KHDRBS2: variants seen among roughly 807,000 people sequenced by gnomAD.
The protein encoded by KHDRBS2 is KH RNA binding domain containing, signal transduction associated 2, also known as KH domain-containing, RNA-binding, signal transduction-associated protein 2.
KHDRBS2 carries 26 observed loss-of-function variants against 44.3 expected under a neutral mutation model. That is an observed-to-expected ratio of 0.59 (90% CI 0.43 to 0.81). The LOEUF is 0.81. Among genes scored for constraint, KHDRBS2 ranks in the 40% least tolerant of loss-of-function variants. The pLI, the probability that KHDRBS2 is intolerant of heterozygous loss-of-function variation, is 0.00. For missense variants in KHDRBS2, 476 were observed against 433.1 expected, an observed-to-expected ratio of 1.10 and a Z score of -0.88; for synonymous variants, 194 against 151.1, an observed-to-expected ratio of 1.28 and a Z score of -2.08.
chr6:61,696,648 T>C (rs141343178), intron 8 of KHDRBS2, among the ~76,000 whole-genome samples: 3,774 of 152,274 alleles, frequency 0.025, 75 homozygotes, highest in Middle Eastern at 0.082. Context: ...TAACTGAGTA[T>C]AATTATGATT....
rs74537941 is a variant in KHDRBS2 at position 62,282,412 on chromosome 6, T to C, written c.91+3446A>G. On this transcript the variant is annotated intron_variant, in intron 1 of 8. Coordinates refer to ENST00000281156, the MANE Select transcript of KHDRBS2 (RefSeq NM_152688.4). The stretch of plus-strand genomic sequence containing the variant: ...TATAATGAGTCAACCAAAATGGTTA[T>C]GATTATTTCAGTGCTTGCAAAGATT... Among the ~76,000 whole-genome samples, 146 of 152,300 alleles carry C rather than the reference T, an allele frequency of 9.6e-4. 2 individuals carry two copies. Among genetic ancestry groups the C allele is most frequent in the African/African-American group, 3.4e-3 (142 of 41,574 alleles).
chr6:61,772,706 T>C (rs982111165), intron 6 of KHDRBS2, among the ~76,000 whole-genome samples: 4 of 152,154 alleles, frequency 2.6e-5, no homozygotes, highest in African/African-American at 9.7e-5. Flanking sequence ...TAGTTACATA[T>C]GTATACATGT....
chr6:61,703,788 C>G (rs1769056664), intron 7 of KHDRBS2, among the ~76,000 whole-genome samples: 1 of 151,922 alleles, frequency 6.6e-6, no homozygotes. Context: ...ATGGTATTCA[C>G]TAAACACTGA....
the KHDRBS2 span, among the ~76,000 whole-genome samples, chr6:61,618,467 A>T: frequency 6.6e-6 from 1 of 152,156 alleles, no homozygotes; most frequent in South Asian, 2.1e-4. Flanking sequence ...TTGTCTATTT[A>T]TTTTAACTTT....
At chr6:61,571,464 T>C in the KHDRBS2 span, among the ~76,000 whole-genome samples, 8 of 151,684 alleles carry the variant, frequency 5.3e-5, no homozygotes, top group Non-Finnish European at 1.2e-4. Context: ...GGCAATGCAA[T>C]AATAACAAGG....
chr6:61,838,709 C>A (rs542355697), intron 6 of KHDRBS2, among the ~76,000 whole-genome samples: 1 of 152,020 alleles, frequency 6.6e-6, no homozygotes, highest in East Asian at 1.9e-4. Flanking sequence ...AGCCCCAATA[C>A]CACCACAGCA....
chr6:62,157,614 C>G (rs545471937), intron 2 of KHDRBS2, among the ~76,000 whole-genome samples: 2 of 152,066 alleles, frequency 1.3e-5, no homozygotes, highest in Non-Finnish European at 2.9e-5. Context: ...GCATATGAGT[C>G]AGAGGTCTAA....
intron 1 of KHDRBS2, among the ~76,000 whole-genome samples, chr6:62,272,995 T>C (rs1315724175): frequency 1.3e-5 from 2 of 152,088 alleles, no homozygotes; most frequent in Non-Finnish European, 2.9e-5. Flanking sequence ...GTACCCAGTT[T>C]GCACATGAGG....
intron 6 of KHDRBS2, among the ~76,000 whole-genome samples, chr6:61,848,528 T>TAA: frequency 1.9e-5 from 1 of 53,720 alleles, no homozygotes; most frequent in African/African-American, 8.4e-5. Flanking sequence ...TGTATATATA[T>TAA]ATACATATAT....
chr6:62,132,790 C>T (rs1199224611), intron 2 of KHDRBS2, among the ~76,000 whole-genome samples: 1 of 152,110 alleles, frequency 6.6e-6, no homozygotes, highest in Non-Finnish European at 1.5e-5. Flanking sequence ...ATTCTCTTCC[C>T]TTCTAATGGA....
At chr6:61,609,799 G>A in the KHDRBS2 span, among the ~76,000 whole-genome samples, 2 of 152,182 alleles carry the variant, frequency 1.3e-5, no homozygotes, top group Non-Finnish European at 2.9e-5. Context: ...GCAGTGAGAG[G>A]GGAGTGAATA....
chr6:61,957,129 C>T (rs1248098120), intron 4 of KHDRBS2, among the ~76,000 whole-genome samples: 2 of 152,144 alleles, frequency 1.3e-5, no homozygotes, highest in Admixed American at 6.6e-5. Flanking sequence ...TTATCACTTC[C>T]CCAATCAATA....
intron 1 of KHDRBS2, among the ~76,000 whole-genome samples, chr6:62,265,258 G>A (rs574983269): frequency 1.3e-5 from 2 of 152,054 alleles, no homozygotes; most frequent in East Asian, 3.9e-4. Context: ...AAATGATAGA[G>A]GGAAAGGATA....
the KHDRBS2 span, among the ~76,000 whole-genome samples, chr6:61,639,561 C>T: frequency 6.6e-6 from 1 of 152,050 alleles, no homozygotes; most frequent in Non-Finnish European, 1.5e-5. Context: ...ATCTTCCAAA[C>T]CATACTTCTG....
chr6:62,060,669 G>C (rs1347174535), intron 2 of KHDRBS2, among the ~76,000 whole-genome samples: 1 of 150,656 alleles, frequency 6.6e-6, no homozygotes, highest in Non-Finnish European at 1.5e-5. Context: ...AAATTTAAAA[G>C]AGAAATATCT....
chr6:62,169,169 A>ACG (rs200253904), intron 2 of KHDRBS2, among the ~76,000 whole-genome samples: 72,997 of 133,306 alleles, frequency 0.55, 20,655 homozygotes, highest in Non-Finnish European at 0.61. Flanking sequence ...GTACACATAT[A>ACG]TGTATATATG....
intron 1 of KHDRBS2, among the ~76,000 whole-genome samples, chr6:62,178,159 A>T (rs2150123922): frequency 6.6e-6 from 1 of 151,634 alleles, no homozygotes; most frequent in East Asian, 1.9e-4. Context: ...AAGAATACAA[A>T]GGAGACTCAA....
intron 4 of KHDRBS2, among the ~76,000 whole-genome samples, chr6:61,948,654 CATT>C (rs145017316): frequency 0.073 from 10,261 of 141,508 alleles, 462 homozygotes; most frequent in African/African-American, 0.13. Flanking sequence ...TATATTCTCA[CATT>C]ATTATTATTA....
At chr6:62,060,987 G>A (rs1584432423) in intron 2 of KHDRBS2, among the ~76,000 whole-genome samples, 2 of 151,946 alleles carry the variant, frequency 1.3e-5, no homozygotes, top group East Asian at 3.9e-4. Context: ...CAGAGACTAG[G>A]ATTGCAACCC....
Sources: allele counts gnomAD v4.1 joint callset (sites outside exome capture counted in the v4.1 genomes callset), GRCh38; gene constraint gnomAD v4.1.1; transcripts MANE v1.5; gene names NCBI Gene and HGNC (gene_info 2026-07-23, HGNC 2026-07-21).